The following SPECC1 variants were observed in gnomAD, a reference collection of about 807,000 sequenced individuals.
SPECC1 encodes the protein sperm antigen with calponin homology and coiled-coil domains 1.
Under a neutral mutation model 104.1 loss-of-function variants are expected in SPECC1, and 62 were observed. That is an observed-to-expected ratio of 0.60 (90% CI 0.49 to 0.74). The LOEUF is 0.74. Ranked by LOEUF, SPECC1 falls within the 30% of genes least tolerant of loss-of-function variation. SPECC1 has a pLI of 0.00. For synonymous variants in SPECC1, 513 were observed against 501.6 expected (o/e 1.02, Z -0.30); for missense variants, 1,306 against 1,310.5 (o/e 1.00, Z 0.05).
chr17:20,135,981 G>A (rs1321066040), intron 3 of SPECC1, among the ~76,000 whole-genome samples: 1 of 152,144 alleles, frequency 6.6e-6, no homozygotes, highest in African/African-American at 2.4e-5. Context: ...CTGTTGGGAG[G>A]AGCCAAATCT....
chr17:20,254,569 AG>A (rs1431934956), intron 10 of SPECC1, among the ~76,000 whole-genome samples: 4 of 152,174 alleles, frequency 2.6e-5, no homozygotes, highest in African/African-American at 4.8e-5. Flanking sequence ...CCAGAACTAA[AG>A]GGACAACAGT....
intron 2 of SPECC1, among the ~76,000 whole-genome samples, chr17:20,099,320 A>G (rs1197611521): frequency 1.3e-5 from 2 of 150,224 alleles, no homozygotes; most frequent in Non-Finnish European, 2.9e-5. Context: ...TTTTAAATGA[A>G]TACATACATT....
chr17:20,013,855 T>C (rs879512652), intron 1 of SPECC1, among the ~76,000 whole-genome samples: 3 of 152,110 alleles, frequency 2.0e-5, no homozygotes, highest in Non-Finnish European at 2.9e-5. Flanking sequence ...ATCCCTAATA[T>C]AGATATACAT....
intron 1 of SPECC1, among the ~76,000 whole-genome samples, chr17:20,076,060 T>A (rs1434760746): frequency 2.0e-5 from 3 of 152,172 alleles, no homozygotes; most frequent in Admixed American, 1.3e-4. Context: ...AAGGTTACAA[T>A]GAACTATGAT....
chr17:20,292,558 G>A (rs1354993754), intron 12 of SPECC1, among the ~76,000 whole-genome samples: 1 of 152,150 alleles, frequency 6.6e-6, no homozygotes, highest in East Asian at 1.9e-4. Context: ...TCGAACTCCT[G>A]ACGTCAGGTG....
chr17:20,295,421 G>C (rs2041316707), intron 12 of SPECC1, among the ~76,000 whole-genome samples: 1 of 152,078 alleles, frequency 6.6e-6, no homozygotes, highest in Non-Finnish European at 1.5e-5. Flanking sequence ...GTCTATCATT[G>C]ATGGACATTT....
chr17:20,165,731 C>T (rs771065345), intron 3 of SPECC1, among the ~76,000 whole-genome samples: 5 of 152,164 alleles, frequency 3.3e-5, no homozygotes, highest in East Asian at 1.9e-4. Context: ...TTTTGATAAT[C>T]GTCATTCTGA....
At chr17:20,160,112 A>C (rs766881346) in intron 3 of SPECC1, among the ~76,000 whole-genome samples, 10 of 152,238 alleles carry the variant, frequency 6.6e-5, no homozygotes, top group Admixed American at 1.3e-4. Flanking sequence ...ATTACATGAA[A>C]TAAAAGCTGC....
chr17:20,180,114 A>G (rs924240851), intron 3 of SPECC1, among the ~76,000 whole-genome samples: 1 of 152,258 alleles, frequency 6.6e-6, no homozygotes, highest in African/African-American at 2.4e-5. Context: ...AGTAAAACAT[A>G]GTATTCCCAA....
At chr17:20,052,737 G>A (rs2045822284) in intron 1 of SPECC1, among the ~76,000 whole-genome samples, 1 of 152,178 alleles carries the variant, frequency 6.6e-6, no homozygotes, top group Non-Finnish European at 1.5e-5. Context: ...CTCTAGAGAG[G>A]TTTGGGAACA....
At chr17:20,291,468 C>T (rs779772693) in intron 12 of SPECC1, among the ~76,000 whole-genome samples, 12 of 152,150 alleles carry the variant, frequency 7.9e-5, no homozygotes, top group Non-Finnish European at 1.2e-4. Flanking sequence ...CACTAGTCAC[C>T]GTGCATGGCT....
intron 12 of SPECC1, among the ~76,000 whole-genome samples, chr17:20,285,463 A>AT (rs1394617335): frequency 4.0e-5 from 6 of 151,410 alleles, no homozygotes; most frequent in Non-Finnish European, 7.4e-5. Flanking sequence ...AGTTTTGGAG[A>AT]TGGTTGGACT....
intron 12 of SPECC1, among the ~76,000 whole-genome samples, chr17:20,295,043 T>C (rs2041301325): frequency 1.4e-5 from 2 of 146,632 alleles, no homozygotes; most frequent in South Asian, 4.5e-4. Flanking sequence ...TATTATACTT[T>C]AAGTTCTGGG....
intron 7 of SPECC1, 27 bp from the exon 8 acceptor site, chr17:20,245,899 C>T: frequency 6.2e-7 from 1 of 1,611,806 alleles, no homozygotes; most frequent in South Asian, 1.1e-5. Context: ...TCCATCTTTT[C>T]AATCTGATTT....
chr17:20,238,072 A>G, intron 7 of SPECC1: 1 of 1,024,988 alleles, frequency 9.8e-7, no homozygotes, highest in Non-Finnish European at 1.2e-6. Context: ...GAGCCCCTTC[A>G]CTTGGAGTCT....
intron 3 of SPECC1, among the ~76,000 whole-genome samples, chr17:20,136,567 T>C (rs2030001023): frequency 6.6e-6 from 1 of 152,216 alleles, no homozygotes; most frequent in Non-Finnish European, 1.5e-5. Flanking sequence ...AAAGTTTTGC[T>C]CCTGCCCCTT....
intron 1 of SPECC1, among the ~76,000 whole-genome samples, chr17:20,052,726 A>T (rs750810722): frequency 2.0e-5 from 3 of 152,118 alleles, no homozygotes; most frequent in Non-Finnish European, 4.4e-5. Flanking sequence ...AGGAGCATGG[A>T]CTCTAGAGAG....
chr17:20,207,357 C>T (rs770484370), intron 4 of SPECC1, among the ~76,000 whole-genome samples: 5 of 152,184 alleles, frequency 3.3e-5, no homozygotes, highest in African/African-American at 9.7e-5. Context: ...ATTGAAAGTA[C>T]GGAAGTAATT....
chr17:20,062,601 G>A (rs1247039153), intron 1 of SPECC1, among the ~76,000 whole-genome samples: 1 of 152,118 alleles, frequency 6.6e-6, no homozygotes, highest in South Asian at 2.1e-4. Flanking sequence ...CTGAGCTCAA[G>A]TGATCCTCCT....
Sources: allele counts gnomAD v4.1 joint callset (sites outside exome capture counted in the v4.1 genomes callset), GRCh38; gene constraint gnomAD v4.1.1; transcripts MANE v1.5; gene names NCBI Gene and HGNC (gene_info 2026-07-23, HGNC 2026-07-21).